The following PTCD1 variants were observed in gnomAD, a reference collection of about 807,000 sequenced individuals.
PTCD1 encodes the protein pentatricopeptide repeat-containing protein 1, mitochondrial.
PTCD1 carries 50 observed loss-of-function variants against 53.4 expected under a neutral mutation model. That is an observed-to-expected ratio of 0.94 (90% CI 0.75 to 1.19). The LOEUF (loss-of-function observed/expected upper bound fraction) is 1.19, where lower values mean the gene tolerates loss of function less well. Among genes scored for constraint, PTCD1 ranks in the 50% most tolerant of loss-of-function variants. PTCD1 has a pLI of 0.00. For missense variants in PTCD1, 918 were observed against 904.8 expected, an observed-to-expected ratio of 1.01 and a Z score of -0.19; for synonymous variants, 413 against 394.8, an observed-to-expected ratio of 1.05 and a Z score of -0.55.
intron 2 of PTCD1, 145 bp from the exon 3 acceptor site, chr7:99,433,563 G>GT: frequency 6.6e-7 from 1 of 1,509,012 alleles, no homozygotes; most frequent in African/African-American, 1.4e-5. Flanking sequence ...GCCCCCAGCT[G>GT]TTTCTGCCCC....
At chr7:99,432,915 G>T in intron 3 of PTCD1, 2 of 375,476 alleles carry the variant, frequency 5.3e-6, no homozygotes, top group Non-Finnish European at 1.0e-5. Context: ...CAGATATGGT[G>T]CTACACACCT....
chr7:99,430,855 T>C (rs900563373), intron 3 of PTCD1, among the ~76,000 whole-genome samples: 18 of 152,162 alleles, frequency 1.2e-4, no homozygotes, highest in African/African-American at 2.4e-5. Flanking sequence ...GCAGATCACC[T>C]GAGGTCAGGA....
At position 99,438,730 on chromosome 7, in the gene PTCD1, T is replaced by TTC. The variant is rs1796607282; in HGVS notation, c.-66_-65insGA. 7.7e-7 allele frequency: 1 copy of TTC among 1,306,586 alleles called. No individual in the cohort carries two copies. The highest frequency in any genetic ancestry group is 1.5e-5 in the African/African-American group (1 of 65,952). The allele number at this position is 1,306,586 out of a possible 1,614,324, so 80.9% of individuals were successfully genotyped here. ...CGCAGTGCACTCCGACGGGGAGCCC[T>TTC]GCCCGGTCCCCGCGGCGAACCAGTC... is the stretch of plus-strand genomic sequence containing the variant. On this transcript the variant is annotated 5_prime_UTR_variant, in exon 1 of 8. Transcript: ENST00000292478.
intron 5 of PTCD1, among the ~76,000 whole-genome samples, chr7:99,426,695 G>A (rs1348565851): frequency 3.3e-5 from 5 of 149,386 alleles, no homozygotes; most frequent in African/African-American, 7.5e-5. Flanking sequence ...AGTGAGGAGC[G>A]TCTCTGCCCA....
Position 99,420,001 on chromosome 7 carries a change from T to G in PTCD1, c.2069A>C (p.Glu690Ala). The part of the protein sequence containing the change: ...KPQGDQDTGK[E>A]ADDGCALGGR The stretch of plus-strand genomic sequence containing the variant: ...CCCAAGGGCACATCCGTCATCAGCC[T>G]CCTTGCCGGTGTCCTGGTCCCCCTG... The change falls in exon 8 of 8, where the codon GAG (glutamate) becomes GCG (alanine). Residue 690 changes from glutamate to alanine, a missense_variant. Physicochemically the swap from Glu to Ala is moderately radical, Grantham distance 107. Transcript: ENST00000292478. 6.2e-7 allele frequency: 1 copy of G among 1,614,208 alleles called. No individual in the cohort carries two copies. The highest frequency in any genetic ancestry group is 2.2e-5 in the East Asian group (1 of 44,886).
At chr7:99,426,977 T>C (rs185451136) in intron 5 of PTCD1, among the ~76,000 whole-genome samples, 55,813 of 148,934 alleles carry the variant, frequency 0.37, 15,856 homozygotes, top group African/African-American at 0.79. Flanking sequence ...CCCCTCCGCC[T>C]GGCAGCCGCC....
intron 3 of PTCD1, among the ~76,000 whole-genome samples, chr7:99,432,108 T>C (rs1796279142): frequency 6.6e-6 from 1 of 152,184 alleles, no homozygotes; most frequent in African/African-American, 2.4e-5. Context: ...TTTCTCCCCA[T>C]GTGATAGCCT....
At chr7:99,438,357 C>T (rs1383495546) in intron 1 of PTCD1, among the ~76,000 whole-genome samples, 1 of 151,592 alleles carries the variant, frequency 6.6e-6, no homozygotes, top group East Asian at 1.9e-4. Context: ...GTTCCAGCTA[C>T]TCGGGAGGCT....
intron 1 of PTCD1, among the ~76,000 whole-genome samples, chr7:99,436,878 T>C (rs1038912101): frequency 2.0e-5 from 3 of 152,234 alleles, no homozygotes; most frequent in African/African-American, 7.2e-5. Flanking sequence ...TTTTGTGGAA[T>C]GGGGTCTTCA....
chr7:99,431,097 T>A (rs934401740), intron 3 of PTCD1, among the ~76,000 whole-genome samples: 7 of 151,904 alleles, frequency 4.6e-5, no homozygotes, highest in African/African-American at 1.4e-4. Flanking sequence ...ATAAATAAAA[T>A]AAAATAAATA....
chr7:99,433,470 C>G, intron 2 of PTCD1, 52 bp from the exon 3 acceptor site: 1 of 1,613,250 alleles, frequency 6.2e-7, no homozygotes, highest in Non-Finnish European at 8.5e-7. Context: ...CAGAGACCCT[C>G]AGCAGAGAGA....
At position 99,417,498 on chromosome 7, in the gene PTCD1, G is replaced by A; in HGVS notation, c.*2469C>T. 2 of 1,611,840 alleles carry A rather than the reference G, an allele frequency of 1.2e-6. No homozygotes were observed. The highest frequency in any genetic ancestry group is 1.7e-6 in the Non-Finnish European group (2 of 1,178,556). On this transcript the variant is annotated 3_prime_UTR_variant, in exon 8 of 8. Transcript: ENST00000292478. ...CTGATTGCAAAATGGAAAAAGCAAG[G>A]ATATGAGAACTTGTGCTGCCTGCGG...
Position 99,434,873 on chromosome 7 carries a change from G to C in PTCD1, c.370C>G (p.Pro124Ala), listed in dbSNP as rs772618787. Residue 124 changes from proline (P) to alanine (A), a missense_variant, in exon 2 of 8, where the codon CCG (proline) becomes GCG (alanine). Coordinates refer to ENST00000292478, the MANE Select transcript of PTCD1 (RefSeq NM_015545.4). ...CGGCCTCGCCATAATTTGGGCTCCG[G>C]TTCCATTTGCTCATCTCTCCGTTCC... ...FGERRDEQME[P>A]EPKLWRGRRN... is the part of the protein sequence containing the mutation. The C allele has an allele frequency of 1.9e-6, 3 of 1,614,220 alleles. No individual in the cohort carries two copies. Among genetic ancestry groups the C allele is most frequent in the Non-Finnish European group, 1.7e-6 (2 of 1,180,044 alleles).
At position 99,418,979 on chromosome 7, in the gene PTCD1, C is replaced by T. The variant is rs976911935; in HGVS notation, c.*988G>A. 5.0e-6 allele frequency: 1 copy of T among 200,682 alleles called. No individual in the cohort carries two copies. The highest frequency in any genetic ancestry group is 1.0e-5 in the Non-Finnish European group (1 of 97,186). 12.4% of individuals were successfully genotyped at this position (200,682 alleles called of 1,614,324 possible). A position where few individuals can be genotyped will look rare whatever the true frequency, so the allele number is the denominator to read the frequency against. On this transcript the variant is annotated 3_prime_UTR_variant, in exon 8 of 8. Transcript: ENST00000292478. ...GGGCCAGAAGGGTGTGACTCAAGTG[C>T]ATAGTCTCCTGCCCTCTTCCCCCAC...
Position 99,438,697 on chromosome 7 carries a change from G to C in PTCD1, c.-32C>G. ...AGGATCACACAGGAACTCACTTGAA[G>C]TGTCCGGCGCAGTGCACTCCGACGG... On this transcript the variant is annotated 5_prime_UTR_variant, in exon 1 of 8. Transcript: ENST00000292478. 4 of 1,281,412 alleles carry C rather than the reference G, an allele frequency of 3.1e-6. No individual in the cohort carries two copies. Among genetic ancestry groups the C allele is most frequent in the Non-Finnish European group, 4.0e-6 (4 of 988,704 alleles). 79.4% of individuals were successfully genotyped at this position (1,281,412 alleles called of 1,614,324 possible). A position where few individuals can be genotyped will look rare whatever the true frequency, so the allele number is the denominator to read the frequency against.
chr7:99,420,201 C>G (rs754128512), intron 7 of PTCD1, 52 bp from the exon 8 acceptor site: 1 of 1,611,786 alleles, frequency 6.2e-7, no homozygotes, highest in Non-Finnish European at 8.5e-7. Context: ...ACAGCTAATC[C>G]CAAACCTCGG....
chr7:99,438,760 C>T lies in PTCD1; in HGVS notation c.-95G>A. 7.5e-7 allele frequency: 1 copy of T among 1,339,570 alleles called. No homozygotes were observed. Among genetic ancestry groups the T allele is most frequent in the Non-Finnish European group, 9.8e-7 (1 of 1,022,830 alleles). 83.0% of individuals were successfully genotyped at this position (1,339,570 alleles called of 1,614,324 possible). ...GGTCCCCGCGGCGAACCAGTCTCTT[C>T]CTCGGGTCCCCCTCTCCCCAAGCGC... is the stretch of plus-strand genomic sequence containing the variant. On this transcript the variant is annotated 5_prime_UTR_variant, in exon 1 of 8. Coordinates refer to ENST00000292478, the MANE Select transcript of PTCD1 (RefSeq NM_015545.4).
In PTCD1 at chr7:99,423,840, G is replaced by A; in HGVS notation, c.1855C>T (p.Pro619Ser). Residue 619 changes from proline (P) to serine (S), a missense_variant, in exon 7 of 8, where the codon CCG (proline) becomes TCG (serine). By Grantham distance (74) the Pro-to-Ser change is moderately conservative. Coordinates refer to ENST00000292478, the MANE Select transcript of PTCD1 (RefSeq NM_015545.4). ...ILKDMKQNRV[P>S]VNEVVIRQLE... The stretch of plus-strand genomic sequence containing the variant: ...TGGCGGATGACCACTTCGTTCACCG[G>A]GACCCTGTTCTGCTTCATGTCCTTC... The A allele has an allele frequency of 6.2e-7, 1 of 1,614,164 alleles. No homozygotes were observed. Among genetic ancestry groups the A allele is most frequent in the Non-Finnish European group, 8.5e-7 (1 of 1,180,028 alleles).
At chr7:99,437,407 C>T (rs939149761) in intron 1 of PTCD1, among the ~76,000 whole-genome samples, 2 of 151,876 alleles carry the variant, frequency 1.3e-5, no homozygotes, top group Non-Finnish European at 2.9e-5. Flanking sequence ...CGGATTCAAG[C>T]GATTCTCCTG....
Sources: gnomAD v4.1 joint callset for allele counts (sites outside exome capture counted in the v4.1 genomes callset) on GRCh38, gnomAD v4.1.1 for gene constraint, MANE v1.5 for transcripts, NCBI Gene and HGNC (gene_info 2026-07-23, HGNC 2026-07-21) for gene names.